Variants in ZNF853 observed in about 807,000 individuals in gnomAD.
The protein encoded by ZNF853 is zinc finger protein 853.
ZNF853 carries 57 observed loss-of-function variants against 94.7 expected under a neutral mutation model. That is an observed-to-expected ratio of 0.60 (90% CI 0.49 to 0.75). The LOEUF is 0.75. Ranked by LOEUF, ZNF853 falls within the 30% of genes least tolerant of loss-of-function variation. ZNF853 has a pLI of 0.00. For missense variants in ZNF853, 785 were observed against 868.9 expected, an observed-to-expected ratio of 0.90 and a Z score of 1.21; for synonymous variants, 448 against 406.3, an observed-to-expected ratio of 1.10 and a Z score of -1.23.
chr7:6,620,421 A>T, intron 2 of ZNF853, among the ~76,000 whole-genome samples: 1 of 152,142 alleles, frequency 6.6e-6, no homozygotes, highest in Non-Finnish European at 1.5e-5. Context: ...GAGACTTCTC[A>T]GGATGGTCAG....
chr7:6,622,350 A>C lies in ZNF853; in HGVS notation c.1359A>C (p.Ala453=). The change falls in exon 3 of 3, where the codon GCA becomes GCC. Residue 453 remains alanine (A), a synonymous_variant. Coordinates refer to ENST00000457543, the MANE Select transcript of ZNF853 (RefSeq NM_017560.3). ...AGCTCATGGTGCTGCCCGCCGTGGC[A>C]GCGCCGGCCGTGGTGGCCATCCCGG... ...VQELMVLPAV[A]APAVVAIPGP... 1 of 1,452,192 alleles carries C rather than the reference A, an allele frequency of 6.9e-7. No individual in the cohort carries two copies. 90.0% of individuals were successfully genotyped at this position (1,452,192 alleles called of 1,614,324 possible).
In ZNF853 at chr7:6,622,153, C is replaced by T. The variant is rs748493656; in HGVS notation, c.1162C>T (p.Leu388=). ...GGAGCAGCAGGAGGTGCAGCTGGAG[C>T]TGACCCCGGTGGAGCTAGGCGCCCA... ...QLEQQEVQLE[L]TPVELGAQQQ... is the part of the protein sequence containing the mutation. The change falls in exon 3 of 3, where the codon CTG becomes TTG. Residue 388 remains leucine (L), a synonymous_variant. Coordinates refer to ENST00000457543, the MANE Select transcript of ZNF853 (RefSeq NM_017560.3). 2.6e-6 allele frequency: 4 copies of T among 1,543,192 alleles called. No individual in the cohort carries two copies. Among genetic ancestry groups the T allele is most frequent in the South Asian group, 1.2e-5 (1 of 83,970 alleles).
At chr7:6,617,728 C>G in intron 2 of ZNF853, 2 of 823,144 alleles carry the variant, frequency 2.4e-6, no homozygotes, top group South Asian at 5.6e-5. Context: ...TTCTTCTCCC[C>G]TGTGGCCTCG....
chr7:6,621,239 G>A lies in ZNF853; in HGVS notation c.248G>A (p.Arg83Gln), dbSNP rs779843664. 17 of 1,547,628 alleles carry A rather than the reference G, an allele frequency of 1.1e-5. No individual in the cohort carries two copies. Among genetic ancestry groups the A allele is most frequent in the African/African-American group, 2.7e-5 (2 of 72,954 alleles). ...VGASEIAEET[R>Q]PGQRELQLQQ... is the part of the protein sequence containing the mutation. The stretch of plus-strand genomic sequence containing the variant: ...GCCAGTGAAATCGCTGAGGAAACCC[G>A]GCCGGGACAACGAGAGTTGCAACTG... The change falls in exon 3 of 3, where the codon CGG becomes CAG. Residue 83 changes from arginine to glutamine, a missense_variant. Coordinates refer to ENST00000457543, the MANE Select transcript of ZNF853 (RefSeq NM_017560.3).
At chr7:6,617,157 C>T in intron 1 of ZNF853, 33 bp from the exon 2 acceptor site, 1 of 1,517,502 alleles carries the variant, frequency 6.6e-7, no homozygotes, top group Non-Finnish European at 8.9e-7. Context: ...AGCACTCCAG[C>T]CTGGCTAAAC....
intron 2 of ZNF853, among the ~76,000 whole-genome samples, chr7:6,619,159 C>A: frequency 6.6e-6 from 1 of 151,984 alleles, no homozygotes; most frequent in South Asian, 2.1e-4. Context: ...CCTGCTGCAG[C>A]CTCCCGAGTA....
Position 6,615,975 on chromosome 7 carries a change from C to A in ZNF853, c.-200C>A. 1.9e-6 allele frequency: 1 copy of A among 515,362 alleles called. No homozygotes were observed. Among genetic ancestry groups the A allele is most frequent in the South Asian group, 2.6e-5 (1 of 39,108 alleles). 31.9% of individuals were successfully genotyped at this position (515,362 alleles called of 1,614,324 possible). A position where few individuals can be genotyped will look rare whatever the true frequency, so the allele number is the denominator to read the frequency against. On this transcript the variant is annotated 5_prime_UTR_variant, in exon 1 of 3. Coordinates refer to ENST00000457543, the MANE Select transcript of ZNF853 (RefSeq NM_017560.3). The surrounding 1 kb of genome is among the most constrained non-coding windows in gnomAD (Gnocchi z 8.5). ...CTCGGCCGCTCCTCTCAGCCCCTTC[C>A]CTTGGCCCAGGGCGACCTCGGCAGC... is the stretch of plus-strand genomic sequence containing the variant.
At chr7:6,620,544 C>T in intron 2 of ZNF853, among the ~76,000 whole-genome samples, 1 of 150,916 alleles carries the variant, frequency 6.6e-6, no homozygotes, top group African/African-American at 2.5e-5. Flanking sequence ...AGGTCACCAG[C>T]AGTCCCTTGG....
intron 1 of ZNF853, 121 bp downstream of exon 1, chr7:6,616,307 TG>T: frequency 1.0e-6 from 1 of 974,258 alleles, no homozygotes; most frequent in Non-Finnish European, 1.5e-6. Flanking sequence ...CGGGCCAGGG[TG>T]GACTCTCAGG....
chr7:6,623,040 C>G lies in ZNF853; in HGVS notation c.*69C>G. On this transcript the variant is annotated 3_prime_UTR_variant, in exon 3 of 3. Transcript: ENST00000457543. Reference sequence around the variant, plus strand: ...CGCCTCCACCTGAAAAGCTCCTTGACCCGGGTTCATGGGCGCTGGAGGCGT... The same window carrying G: ...CGCCTCCACCTGAAAAGCTCCTTGAGCCGGGTTCATGGGCGCTGGAGGCGT... 8.2e-7 allele frequency: 1 copy of G among 1,226,898 alleles called. No individual in the cohort carries two copies. The highest frequency in any genetic ancestry group is 1.0e-6 in the Non-Finnish European group (1 of 982,806). The allele number at this position is 1,226,898 out of a possible 1,614,324, so 76.0% of individuals were successfully genotyped here. A position where few individuals can be genotyped will look rare whatever the true frequency, so the allele number is the denominator to read the frequency against.
chr7:6,622,632 C>T lies in ZNF853; in HGVS notation c.1641C>T (p.Ala547=). Residue 547 remains alanine, a synonymous_variant, in exon 3 of 3, where the codon GCC becomes GCT. Coordinates refer to ENST00000457543, the MANE Select transcript of ZNF853 (RefSeq NM_017560.3). The stretch of plus-strand genomic sequence containing the variant: ...AACCCTACGCCTGCTCCTACTGCGC[C>T]AAGCGCTTCAGCGAGAGCTCGGCGC... ...GEKPYACSYC[A]KRFSESSALV... is the part of the protein sequence containing the mutation. 1 of 1,581,896 alleles carries T rather than the reference C, an allele frequency of 6.3e-7. No individual in the cohort carries two copies. Among genetic ancestry groups the T allele is most frequent in the African/African-American group, 1.4e-5 (1 of 73,936 alleles).
chr7:6,618,571 G>T, intron 2 of ZNF853, among the ~76,000 whole-genome samples: 1 of 152,090 alleles, frequency 6.6e-6, no homozygotes, highest in Admixed American at 6.6e-5. Flanking sequence ...TTAGCTAGGC[G>T]TGGTGTTGTG....
At position 6,622,501 on chromosome 7, in the gene ZNF853, C is replaced by G. The variant is rs1255092915; in HGVS notation, c.1510C>G (p.Gln504Glu). ...CCGCAGCACGGACCTGGTGCGCCAC[C>G]AGGCCACGCACACGGGTGAGCGGCC... is the stretch of plus-strand genomic sequence containing the variant. ...FSRSTDLVRH[Q>E]ATHTGERPHR... Residue 504 changes from glutamine (Q) to glutamate (E), a missense_variant, in exon 3 of 3, where the codon CAG becomes GAG. Gln to Glu is a conservative substitution (Grantham distance 29, BLOSUM62 2). Coordinates refer to ENST00000457543, the MANE Select transcript of ZNF853 (RefSeq NM_017560.3). The G allele has an allele frequency of 6.5e-7, 1 of 1,544,460 alleles. No individual in the cohort carries two copies. The highest frequency in any genetic ancestry group is 1.4e-5 in the African/African-American group (1 of 72,738).
Position 6,621,849 on chromosome 7 carries a change from ACAGCAG to A in ZNF853, c.867_872del (p.Gln292_Gln293del). ...TACTGCTGCAGCAGCAGGAACAGTTACAGCAGCAGCAGCAACAGCAGCTGTTGCAAC... is the reference window on the plus strand; with the variant it reads ...TACTGCTGCAGCAGCAGGAACAGTTACAGCAGCAACAGCAGCTGTTGCAAC... On this transcript the variant is annotated inframe_deletion, in exon 3 of 3. Transcript: ENST00000457543. 3 of 1,550,820 alleles carry A rather than the reference ACAGCAG, an allele frequency of 1.9e-6. No individual in the cohort carries two copies. The highest frequency in any genetic ancestry group is 2.6e-6 in the Non-Finnish European group (3 of 1,146,724).
rs1218918576 is a variant in ZNF853, at chr7:6,616,005, A to G, written c.-170A>G. On this transcript the variant is annotated 5_prime_UTR_variant, in exon 1 of 3. Coordinates refer to ENST00000457543, the MANE Select transcript of ZNF853 (RefSeq NM_017560.3). ...GCCCAGGGCGACCTCGGCAGCCCAGAGGGCGTGGACCCTCCGGAGTGCCCA... is the reference window on the plus strand; with the variant it reads ...GCCCAGGGCGACCTCGGCAGCCCAGGGGGCGTGGACCCTCCGGAGTGCCCA... 1.1e-5 allele frequency: 6 copies of G among 569,382 alleles called. No homozygotes were observed. Among genetic ancestry groups the G allele is most frequent in the Non-Finnish European group, 1.9e-5 (6 of 322,828 alleles). 35.3% of individuals were successfully genotyped at this position (569,382 alleles called of 1,614,324 possible). A position where few individuals can be genotyped will look rare whatever the true frequency, so the allele number is the denominator to read the frequency against.
In ZNF853 at chr7:6,622,875, C is replaced by G. The variant is rs1468115936; in HGVS notation, c.1884C>G (p.Leu628=). The G allele has an allele frequency of 3.0e-6, 4 of 1,352,078 alleles. No individual in the cohort carries two copies. Among genetic ancestry groups the G allele is most frequent in the Non-Finnish European group, 3.8e-6 (4 of 1,056,696 alleles). The allele number at this position is 1,352,078 out of a possible 1,614,324, so 83.8% of individuals were successfully genotyped here. ...QLHGAGRSRG[L]GLLRASRPAA... is the part of the protein sequence containing the mutation. ...ACGGCGCGGGCCGCTCCAGGGGCCT[C>G]GGCCTGCTGCGCGCCTCGCGGCCGG... Residue 628 remains leucine (L), a synonymous_variant, in exon 3 of 3, where the codon CTC becomes CTG. Transcript: ENST00000457543.
chr7:6,622,972 G>T lies in ZNF853; in HGVS notation c.*1G>T, dbSNP rs1441873140. 4 of 1,248,152 alleles carry T rather than the reference G, an allele frequency of 3.2e-6. No homozygotes were observed. Among genetic ancestry groups the T allele is most frequent in the Admixed American group, 8.4e-5 (2 of 23,752 alleles). 77.3% of individuals were successfully genotyped at this position (1,248,152 alleles called of 1,614,324 possible). A position where few individuals can be genotyped will look rare whatever the true frequency, so the allele number is the denominator to read the frequency against. ...TGCGCCCGCAGACAAGGCGCTGTGA[G>T]GGCCGTGATCGGGGCTGCCTGGCCG... On this transcript the variant is annotated 3_prime_UTR_variant, in exon 3 of 3. Coordinates refer to ENST00000457543, the MANE Select transcript of ZNF853 (RefSeq NM_017560.3).
rs11491538 is a variant in ZNF853, at chr7:6,622,489, C to T, written c.1498C>T (p.Leu500=). The part of the protein sequence containing the change: ...CGKGFSRSTD[L]VRHQATHTGE... ...CAAGGGCTTCAGCCGCAGCACGGAC[C>T]TGGTGCGCCACCAGGCCACGCACAC... Residue 500 remains leucine (L), a synonymous_variant, in exon 3 of 3, where the codon CTG becomes TTG. Transcript: ENST00000457543. The T allele has an allele frequency of 1.3e-6, 2 of 1,540,836 alleles. No individual in the cohort carries two copies. Among genetic ancestry groups the T allele is most frequent in the Admixed American group, 2.0e-5 (1 of 50,588 alleles).
Position 6,622,828 on chromosome 7 carries a change from C to T in ZNF853, c.1837C>T (p.Arg613Cys), listed in dbSNP as rs1385520065. 87 of 1,521,578 alleles carry T rather than the reference C, an allele frequency of 5.7e-5. 1 individual carries two copies. Among genetic ancestry groups the T allele is most frequent in the Non-Finnish European group, 6.9e-5 (79 of 1,138,406 alleles). The allele number at this position is 1,521,578 out of a possible 1,614,324, so 94.3% of individuals were successfully genotyped here. A position where few individuals can be genotyped will look rare whatever the true frequency, so the allele number is the denominator to read the frequency against. Residue 613 changes from arginine to cysteine, a missense_variant, in exon 3 of 3, where the codon CGC (arginine) becomes TGC (cysteine). Arg to Cys is a radical substitution (Grantham distance 180, BLOSUM62 -3). Coordinates refer to ENST00000457543, the MANE Select transcript of ZNF853 (RefSeq NM_017560.3). ...GERFRHKVQI[R>C]RHERQLHGAG... is the part of the protein sequence containing the mutation. ...GCGCTTCCGACACAAGGTGCAGATCCGCCGCCACGAGCGCCAGCTGCACGG... is the reference window on the plus strand; with the variant it reads ...GCGCTTCCGACACAAGGTGCAGATCTGCCGCCACGAGCGCCAGCTGCACGG...
Sources: allele counts gnomAD v4.1 joint callset (sites outside exome capture counted in the v4.1 genomes callset), GRCh38; gene constraint gnomAD v4.1.1; non-coding constraint Gnocchi (gnomAD v3.1); transcripts MANE v1.5; gene names NCBI Gene and HGNC (gene_info 2026-07-23, HGNC 2026-07-21).